Variants in CDC42BPB observed in about 807,000 individuals in gnomAD.
CDC42BPB encodes the protein serine/threonine-protein kinase MRCK beta.
CDC42BPB carries 37 observed loss-of-function variants against 214.9 expected under a neutral mutation model. The observed-to-expected ratio is 0.17, with a 90% confidence interval of 0.13 to 0.23. The LOEUF (loss-of-function observed/expected upper bound fraction) is 0.23. Among genes scored for constraint, CDC42BPB ranks in the 10% least tolerant of loss-of-function variants. The probability of loss-of-function intolerance (pLI) is 1.00; values close to 1 mark genes in which losing one functional copy is unlikely to be tolerated. For missense variants in CDC42BPB, 1,694 were observed against 2,227.0 expected (o/e 0.76, Z 4.82); for synonymous variants, 931 against 884.0 (o/e 1.05, Z -0.94).
intron 2 of CDC42BPB, among the ~76,000 whole-genome samples, chr14:103,009,251 G>A (rs1288296760): frequency 2.0e-5 from 3 of 152,202 alleles, no homozygotes; most frequent in Non-Finnish European, 4.4e-5. Context: ...TCATCTACCT[G>A]CCTGTTTCTA....
intron 36 of CDC42BPB, among the ~76,000 whole-genome samples, chr14:102,936,080 TAAAAAG>T (rs1891635949): frequency 6.6e-6 from 1 of 152,130 alleles, no homozygotes; most frequent in South Asian, 2.1e-4. Context: ...GGACGACTAT[TAAAAAG>T]AAGAAAAACA....
chr14:103,015,443 C>G (rs757487499), intron 1 of CDC42BPB, among the ~76,000 whole-genome samples: 5 of 151,224 alleles, frequency 3.3e-5, no homozygotes, highest in Non-Finnish European at 5.9e-5. Context: ...GCCAAGATCT[C>G]GCCACTGCAC....
At chr14:102,992,973 C>T (rs1286430196) in intron 5 of CDC42BPB, among the ~76,000 whole-genome samples, 4 of 151,840 alleles carry the variant, frequency 2.6e-5, no homozygotes, top group Non-Finnish European at 4.4e-5. Context: ...GGATTACAGG[C>T]GTGCACTACC....
chr14:102,947,275 T>TA (rs1215137828), intron 27 of CDC42BPB, among the ~76,000 whole-genome samples: 1 of 152,172 alleles, frequency 6.6e-6, no homozygotes, highest in East Asian at 1.9e-4. Flanking sequence ...TTCAGTCTTC[T>TA]AGGAACGTCC....
In CDC42BPB at chr14:102,986,390, T is replaced by C. The variant is rs1282060186; in HGVS notation, c.690+97A>G. 4.1e-6 allele frequency: 3 copies of C among 739,914 alleles called. No individual in the cohort carries two copies. In the African/African-American group the frequency reaches 5.3e-5, roughly 13 times the overall value. The allele number at this position is 739,914 out of a possible 1,614,324, so 45.8% of individuals were successfully genotyped here. On this transcript the variant is annotated intron_variant, in intron 6 of 36. Transcript: ENST00000361246. ...AATGGATTCATTTTCTGAATTAATATACTTGGTTTCTTAATTGTACCTCAA... is the reference window on the plus strand; with the variant it reads ...AATGGATTCATTTTCTGAATTAATACACTTGGTTTCTTAATTGTACCTCAA...
chr14:102,939,762 A>T (rs1224666426), intron 33 of CDC42BPB, 35 bp from the exon 34 acceptor site: 11 of 1,613,958 alleles, frequency 6.8e-6, no homozygotes, highest in Non-Finnish European at 9.3e-6. Context: ...ATTCATGGAT[A>T]CGTGAGAATC....
chr14:103,010,378 A>G (rs1886081264), intron 2 of CDC42BPB, among the ~76,000 whole-genome samples: 1 of 152,128 alleles, frequency 6.6e-6, no homozygotes, highest in African/African-American at 2.4e-5. Flanking sequence ...TACTGAGATA[A>G]ACTGGGAGCT....
chr14:103,012,944 T>G (rs1410023163), intron 1 of CDC42BPB, among the ~76,000 whole-genome samples: 1 of 152,184 alleles, frequency 6.6e-6, no homozygotes, highest in East Asian at 1.9e-4. Flanking sequence ...GTGGAGTAGG[T>G]TTTGCCATCT....
At chr14:102,999,829 T>C (rs1421582439) in intron 4 of CDC42BPB, 116 bp from the exon 5 acceptor site, 3 of 1,496,630 alleles carry the variant, frequency 2.0e-6, no homozygotes, top group Non-Finnish European at 2.7e-6. Context: ...GCTCGTGGCA[T>C]CTCAGCTGCT....
chr14:102,944,270 G>A lies in CDC42BPB; in HGVS notation c.4029C>T (p.Cys1343=), dbSNP rs201500787. Reference sequence around the variant, plus strand: ...TCAGCCGTTTCACGGCCACAAACAGGCAGGTGCCAGAGTTCCTCTTGAGTG... The same window carrying A: ...TCAGCCGTTTCACGGCCACAAACAGACAGGTGCCAGAGTTCCTCTTGAGTG... ...TATLKRNSGT[C]LFVAVKRLIL... is the part of the protein sequence containing the mutation. Residue 1343 remains cysteine, a synonymous_variant, in exon 30 of 37, where the codon TGC becomes TGT. Coordinates refer to ENST00000361246, the MANE Select transcript of CDC42BPB (RefSeq NM_006035.4). This position sits in a 1 kb window ranked among gnomAD's most constrained non-coding sequence, Gnocchi z 6.6. The A allele has an allele frequency of 1.9e-6, 3 of 1,613,190 alleles. No homozygotes were observed. The highest frequency in any genetic ancestry group is 3.3e-5 in the Admixed American group (2 of 60,026).
chr14:102,949,272 G>A (rs1383192735), intron 26 of CDC42BPB, among the ~76,000 whole-genome samples: 1 of 152,152 alleles, frequency 6.6e-6, no homozygotes, highest in South Asian at 2.1e-4. Context: ...AGGAGGCCCC[G>A]CCTGCTCCTG....
intron 9 of CDC42BPB, 81 bp from the exon 10 acceptor site, chr14:102,976,130 AAGAT>A (rs1595485316): frequency 1.3e-6 from 2 of 1,555,544 alleles, no homozygotes; most frequent in East Asian, 2.3e-5. Context: ...CCTGAGGTGA[AAGAT>A]AGTCTTTTTA....
In CDC42BPB at chr14:102,964,627, G is replaced by T. The variant is rs1310362002; in HGVS notation, c.2601C>A (p.Arg867=). Residue 867 remains arginine, a synonymous_variant, in exon 19 of 37, where the codon CGC becomes CGA. Transcript: ENST00000361246. Reference sequence around the variant, plus strand: ...GCGCGGACATGTCCAGCTTCTGGCTGCGGCGCACCTTCCACAGCGGGTCCT... The same window carrying T: ...GCGCGGACATGTCCAGCTTCTGGCTTCGGCGCACCTTCCACAGCGGGTCCT... ...RTLDPLWKVR[R]SQKLDMSARL... 1 of 1,613,282 alleles carries T rather than the reference G, an allele frequency of 6.2e-7. No homozygotes were observed. The highest frequency in any genetic ancestry group is 1.3e-5 in the African/African-American group (1 of 74,922).
intron 2 of CDC42BPB, among the ~76,000 whole-genome samples, chr14:103,010,704 C>T (rs1042655078): frequency 6.6e-6 from 1 of 152,192 alleles, no homozygotes; most frequent in African/African-American, 2.4e-5. Context: ...TAGATCAAAC[C>T]TCAGCATAGG....
At chr14:102,950,826 G>A (rs1330877703) in intron 24 of CDC42BPB, 1 of 291,818 alleles carries the variant, frequency 3.4e-6, no homozygotes. Flanking sequence ...ATTAGCCAGG[G>A]GTGGTGAAGC....
intron 1 of CDC42BPB, among the ~76,000 whole-genome samples, chr14:103,040,331 G>A (rs1317533616): frequency 6.6e-6 from 1 of 151,834 alleles, no homozygotes; most frequent in Non-Finnish European, 1.5e-5. Context: ...CTCTAGCCTG[G>A]GCGACAGAGC....
chr14:102,986,055 C>T (rs1338468366), intron 6 of CDC42BPB, among the ~76,000 whole-genome samples: 6 of 152,220 alleles, frequency 3.9e-5, no homozygotes, highest in Admixed American at 3.9e-4. Flanking sequence ...CTACAACACC[C>T]ATAGAGAGGA....
Position 102,938,329 on chromosome 14 carries a change from G to A in CDC42BPB, c.4910C>T (p.Pro1637Leu), listed in dbSNP as rs1469993209. 1 of 1,606,996 alleles carries A rather than the reference G, an allele frequency of 6.2e-7. No individual in the cohort carries two copies. The highest frequency in any genetic ancestry group is 1.1e-5 in the South Asian group (1 of 89,710). Residue 1637 changes from proline (P) to leucine (L), a missense_variant, in exon 35 of 37, where the codon CCC (proline) becomes CTC (leucine). Pro to Leu is a moderately conservative substitution (Grantham distance 98). This residue lies in a region of CDC42BPB where 146 missense variants were observed against 134.1 expected (regional missense o/e 1.09). Coordinates refer to ENST00000361246, the MANE Select transcript of CDC42BPB (RefSeq NM_006035.4). Reference sequence around the variant, plus strand: ...ACCTGATGAGGGCCACGAGATGTAGGGCTTGTTCCTGGATGGAGGCTGGCG... The same window carrying A: ...ACCTGATGAGGGCCACGAGATGTAGAGCTTGTTCCTGGATGGAGGCTGGCG... ...LARQPPSRNK[P>L]YISWPSSGGS...
chr14:103,039,292 C>CAAAAAAAAAA (rs202028122), intron 1 of CDC42BPB, among the ~76,000 whole-genome samples: 37 of 70,334 alleles, frequency 5.3e-4, no homozygotes, highest in Non-Finnish European at 5.7e-4. Flanking sequence ...GATACCAAAC[C>CAAAAAAAAAA]AAAAAAAAAA....
Sources: allele counts gnomAD v4.1 joint callset (sites outside exome capture counted in the v4.1 genomes callset), GRCh38; gene constraint gnomAD v4.1.1; regional missense constraint gnomAD v4.1.1; non-coding constraint Gnocchi (gnomAD v3.1); transcripts MANE v1.5; gene names NCBI Gene and HGNC (gene_info 2026-07-23, HGNC 2026-07-21).